AKAP6: variants seen among roughly 807,000 people sequenced by gnomAD.
AKAP6 encodes A-kinase anchor protein 6.
AKAP6 carries 58 observed loss-of-function variants against 188.5 expected under a neutral mutation model. The observed-to-expected ratio is 0.31, with a 90% CI of 0.25 to 0.38. The LOEUF is 0.38. AKAP6 is among the 10% of genes least tolerant of loss of function. AKAP6 has a pLI of 1.00. For synonymous variants in AKAP6, 989 were observed against 998.6 expected (o/e 0.99, Z 0.18); for missense variants, 2,710 against 2,740.0 (o/e 0.99, Z 0.24).
At chr14:32,336,476 T>A (rs1886707306) in intron 1 of AKAP6, among the ~76,000 whole-genome samples, 1 of 152,160 alleles carries the variant, frequency 6.6e-6, no homozygotes, top group Non-Finnish European at 1.5e-5. Flanking sequence ...TATCATATGC[T>A]AAGAGAACAA....
intron 9 of AKAP6, among the ~76,000 whole-genome samples, chr14:32,728,348 TTCTA>T (rs143615571): frequency 0.24 from 33,488 of 140,778 alleles, 3,959 homozygotes; most frequent in South Asian, 0.31. Context: ...TCTCAGTGTA[TTCTA>T]TCTATCTATC....
intron 5 of AKAP6, among the ~76,000 whole-genome samples, chr14:32,583,630 A>C (rs1885086030): frequency 6.6e-6 from 1 of 152,194 alleles, no homozygotes; most frequent in Non-Finnish European, 1.5e-5. Flanking sequence ...GGCTCCACCC[A>C]GTTCGAGCTT....
intron 9 of AKAP6, among the ~76,000 whole-genome samples, chr14:32,725,734 C>T (rs921263510): frequency 3.3e-5 from 5 of 151,990 alleles, no homozygotes; most frequent in Non-Finnish European, 7.4e-5. Context: ...ATAGAGTCTA[C>T]CAGAATCTGA....
At chr14:32,430,905 G>C (rs1208880200) in intron 1 of AKAP6, among the ~76,000 whole-genome samples, 1 of 152,002 alleles carries the variant, frequency 6.6e-6, no homozygotes, top group African/African-American at 2.4e-5. Flanking sequence ...AGGAGATGGA[G>C]ACCATCCTGG....
intron 7 of AKAP6, among the ~76,000 whole-genome samples, chr14:32,663,326 A>G (rs1888782739): frequency 6.6e-6 from 1 of 152,094 alleles, no homozygotes; most frequent in Admixed American, 6.6e-5. Context: ...GAAATAAGCC[A>G]TATCAGACCC....
intron 12 of AKAP6, among the ~76,000 whole-genome samples, chr14:32,797,306 A>T (rs1340248052): frequency 6.6e-6 from 1 of 151,522 alleles, no homozygotes; most frequent in East Asian, 1.9e-4. Context: ...TAAAAGATAC[A>T]TGCATGCATA....
intron 12 of AKAP6, among the ~76,000 whole-genome samples, chr14:32,802,721 T>C (rs1997897): frequency 0.25 from 37,626 of 152,118 alleles, 5,196 homozygotes; most frequent in African/African-American, 0.38. Flanking sequence ...CAAAAAAAAT[T>C]GGAAATATGA....
At chr14:32,382,067 G>C (rs1259073517) in intron 1 of AKAP6, among the ~76,000 whole-genome samples, 1 of 152,150 alleles carries the variant, frequency 6.6e-6, no homozygotes, top group Non-Finnish European at 1.5e-5. Flanking sequence ...CTGTGAAAAG[G>C]GGATTAGTAA....
intron 1 of AKAP6, among the ~76,000 whole-genome samples, chr14:32,393,780 CAAT>C (rs1472467146): frequency 6.6e-6 from 1 of 151,828 alleles, no homozygotes; most frequent in African/African-American, 2.4e-5. Flanking sequence ...TGGACACGAC[CAAT>C]AATAATAGAG....
At chr14:32,434,276 T>A (rs1890312997) in intron 2 of AKAP6, among the ~76,000 whole-genome samples, 1 of 152,196 alleles carries the variant, frequency 6.6e-6, no homozygotes, top group Non-Finnish European at 1.5e-5. Context: ...CAATGTTCTT[T>A]TACAATGAGT....
chr14:32,433,738 A>G lies in AKAP6; in HGVS notation c.245A>G (p.Glu82Gly), dbSNP rs2138708831. The change falls in exon 2 of 14, where the codon GAG (glutamate) becomes GGG (glycine). Residue 82 changes from glutamate (E) to glycine (G), a missense_variant. Coordinates refer to ENST00000280979, the MANE Select transcript of AKAP6 (RefSeq NM_004274.5). ...EIETWLRMTS[E>G]RVRDLTYSVQ... ...GAGACCTGGCTCCGGATGACCTCAG[A>G]GAGGGTCCGAGACCTAACCTATTCA... The G allele has an allele frequency of 6.2e-7, 1 of 1,614,202 alleles. No individual in the cohort carries two copies. The highest frequency in any genetic ancestry group is 1.3e-5 in the African/African-American group (1 of 75,062).
At chr14:32,511,591 C>G (rs10142412) in intron 2 of AKAP6, among the ~76,000 whole-genome samples, 120,940 of 152,050 alleles carry the variant, frequency 0.8, 48,789 homozygotes, top group African/African-American at 0.91. Context: ...TGGCCAGGCT[C>G]GTCTAGAACT....
At chr14:32,771,125 T>C (rs1467695049) in intron 11 of AKAP6, among the ~76,000 whole-genome samples, 1 of 152,314 alleles carries the variant, frequency 6.6e-6, no homozygotes, top group African/African-American at 2.4e-5. Flanking sequence ...CGAATGCATA[T>C]GTATATTTTA....
chr14:32,415,219 A>G (rs1480439744), intron 1 of AKAP6, among the ~76,000 whole-genome samples: 1 of 152,186 alleles, frequency 6.6e-6, no homozygotes, highest in African/African-American at 2.4e-5. Flanking sequence ...TATTGTAAGC[A>G]GTCACACGTG....
In AKAP6 at chr14:32,549,631, C is replaced by G. The variant is rs61636261; in HGVS notation, c.2346+2632C>G. Among the ~76,000 whole-genome samples the G allele has an allele frequency of 6.1e-3, 935 of 152,314 alleles. 10 individuals carry two copies. Among genetic ancestry groups the G allele is most frequent in the African/African-American group, 0.022 (903 of 41,560 alleles). On this transcript the variant is annotated intron_variant, in intron 4 of 13. Coordinates refer to ENST00000280979, the MANE Select transcript of AKAP6 (RefSeq NM_004274.5). ...CTCTGAAAGGGACTGACAGTAATAA[C>G]TAATACTTCTTAAGCTTTTATTTTG...
chr14:32,336,046 T>C (rs1471056372), intron 1 of AKAP6, among the ~76,000 whole-genome samples: 2 of 152,038 alleles, frequency 1.3e-5, no homozygotes, highest in Admixed American at 1.3e-4. Context: ...CATTACTGTT[T>C]ATAATAATGA....
chr14:32,333,195 GCTAGGTACAATGA>G (rs1417257159), intron 1 of AKAP6, among the ~76,000 whole-genome samples: 1 of 152,140 alleles, frequency 6.6e-6, no homozygotes, highest in Non-Finnish European at 1.5e-5. Context: ...CATCAAAGCT[GCTAGGTACAATGA>G]CTACAGGAGT....
intron 7 of AKAP6, among the ~76,000 whole-genome samples, chr14:32,640,677 G>A (rs1011152581): frequency 3.3e-5 from 5 of 151,992 alleles, no homozygotes; most frequent in African/African-American, 1.2e-4. Flanking sequence ...GATAACCCTC[G>A]ATTGACTGAG....
chr14:32,392,503 A>T (rs2031106), intron 1 of AKAP6, among the ~76,000 whole-genome samples: 1 of 152,008 alleles, frequency 6.6e-6, no homozygotes, highest in Non-Finnish European at 1.5e-5. Flanking sequence ...AGTTCTGTCC[A>T]CTGAGAGTCC....
Sources: allele counts gnomAD v4.1 joint callset (sites outside exome capture counted in the v4.1 genomes callset), GRCh38; gene constraint gnomAD v4.1.1; transcripts MANE v1.5; gene names NCBI Gene and HGNC (gene_info 2026-07-23, HGNC 2026-07-21).